Variants in PIKFYVE observed in about 807,000 individuals in gnomAD.
PIKFYVE encodes the protein phosphoinositide kinase, FYVE-type zinc finger containing, also known as 1-phosphatidylinositol 3-phosphate 5-kinase.
PIKFYVE carries 122 observed loss-of-function variants against 257.9 expected under a neutral mutation model. The ratio of observed to expected loss-of-function variants is 0.47; its 90% CI spans 0.41 to 0.55. PIKFYVE has a LOEUF of 0.55. Ranked by LOEUF, PIKFYVE falls within the 20% of genes least tolerant of loss-of-function variation. PIKFYVE has a pLI of 0.00. For synonymous variants in PIKFYVE, 892 were observed against 868.9 expected, an observed-to-expected ratio of 1.03 and a Z score of -0.47; for missense variants, 2,160 against 2,536.6, an observed-to-expected ratio of 0.85 and a Z score of 3.19.
At chr2:208,308,728 A>G (rs1426930736) in intron 12 of PIKFYVE, among the ~76,000 whole-genome samples, 2 of 135,900 alleles carry the variant, frequency 1.5e-5, no homozygotes, top group African/African-American at 2.6e-5. Flanking sequence ...TTTTTTTGAG[A>G]CGAAATTTTG....
At chr2:208,313,665 C>A (rs1172529383) in intron 13 of PIKFYVE, among the ~76,000 whole-genome samples, 3 of 149,560 alleles carry the variant, frequency 2.0e-5, no homozygotes, top group Non-Finnish European at 4.4e-5. Context: ...TCACTGCAAT[C>A]TCTGCCTCCT....
chr2:208,335,221 A>G (rs2363469), intron 24 of PIKFYVE, 85 bp from the exon 25 acceptor site: 879,725 of 909,626 alleles, frequency 0.97, 426,496 homozygotes, highest in Non-Finnish European at 0.98. Context: ...TGCCTCATAG[A>G]ATATAGTTGA....
chr2:208,304,075 A>C (rs999982794), intron 10 of PIKFYVE, 96 bp from the exon 11 acceptor site: 15 of 1,407,364 alleles, frequency 1.1e-5, no homozygotes, highest in Non-Finnish European at 1.5e-5. Flanking sequence ...TGTTAGGTTC[A>C]TAGAAATATT....
chr2:208,291,921 A>G (rs1226108129), intron 7 of PIKFYVE, among the ~76,000 whole-genome samples: 7 of 152,054 alleles, frequency 4.6e-5, no homozygotes, highest in Non-Finnish European at 8.8e-5. Flanking sequence ...TTTTAAATGT[A>G]TGCGCTTCGT....
At position 208,355,394 on chromosome 2, in the gene PIKFYVE, C is replaced by A. The variant is rs1045242981; in HGVS notation, c.*89C>A. 2 of 1,017,840 alleles carry A rather than the reference C, an allele frequency of 2.0e-6. No individual in the cohort carries two copies. Among genetic ancestry groups the A allele is most frequent in the Non-Finnish European group, 3.0e-6 (2 of 660,804 alleles). The allele number at this position is 1,017,840 out of a possible 1,614,324, so 63.1% of individuals were successfully genotyped here. ...TAAGCTACATGTTTTATTTCTTCAT[C>A]GTGTTCACCACTGTATGCCAAGGCT... is the stretch of plus-strand genomic sequence containing the variant. On this transcript the variant is annotated 3_prime_UTR_variant, in exon 42 of 42. Coordinates refer to ENST00000264380, the MANE Select transcript of PIKFYVE (RefSeq NM_015040.4).
At chr2:208,306,502 T>C (rs1325202417) in intron 12 of PIKFYVE, among the ~76,000 whole-genome samples, 1 of 152,226 alleles carries the variant, frequency 6.6e-6, no homozygotes, top group Non-Finnish European at 1.5e-5. Flanking sequence ...GGTGATGATT[T>C]CATCTCTTGG....
chr2:208,324,777 A>C (rs1029737363), intron 18 of PIKFYVE, 134 bp from the exon 19 acceptor site: 2 of 1,104,858 alleles, frequency 1.8e-6, no homozygotes, highest in Non-Finnish European at 1.3e-6. Flanking sequence ...AGAATAAAAA[A>C]ATTCATCATA....
At chr2:208,341,349 C>G (rs1392934571) in intron 31 of PIKFYVE, among the ~76,000 whole-genome samples, 1 of 151,770 alleles carries the variant, frequency 6.6e-6, no homozygotes, top group Non-Finnish European at 1.5e-5. Context: ...TCTCTTCTCT[C>G]TAAACCACTT....
Position 208,324,281 on chromosome 2 carries a change from C to T in PIKFYVE, c.2330C>T (p.Ser777Leu). ...ATTACTTTGGTCATTAATGTAAAGTCAGTGAGTGTTTTTAATTTTCTATTG... is the reference window on the plus strand; with the variant it reads ...ATTACTTTGGTCATTAATGTAAAGTTAGTGAGTGTTTTTAATTTTCTATTG... ...HGITLVINVKSQVLERISRMT... is the reference protein window; with the variant it reads ...HGITLVINVKLQVLERISRMT... Residue 777 changes from serine to leucine, a missense_variant and splice_region_variant, in exon 18 of 42, where the codon TCA (serine) becomes TTA (leucine). Physicochemically the swap from Ser to Leu is moderately radical, Grantham distance 145 (BLOSUM62 -2). Transcript: ENST00000264380. 1 of 1,613,504 alleles carries T rather than the reference C, an allele frequency of 6.2e-7. No homozygotes were observed. The highest frequency in any genetic ancestry group is 8.5e-7 in the Non-Finnish European group (1 of 1,179,578).
At chr2:208,315,115 G>A (rs1216735224) in intron 14 of PIKFYVE, 78 bp from the exon 15 acceptor site, 6 of 1,261,974 alleles carry the variant, frequency 4.8e-6, no homozygotes, top group Non-Finnish European at 6.8e-6. Context: ...TTCTTTGTAG[G>A]CTGTTTGTTT....
Position 208,325,989 on chromosome 2 carries a change from A to G in PIKFYVE, c.3178A>G (p.Ile1060Val). Residue 1060 changes from isoleucine to valine, a missense_variant, in exon 20 of 42, where the codon ATC (isoleucine) becomes GTC (valine). Physicochemically the swap from Ile to Val is conservative, Grantham distance 29 (BLOSUM62 3). This residue lies in a region of PIKFYVE where 522 missense variants were observed against 514.6 expected (regional missense o/e 1.01). Transcript: ENST00000264380. ...TGTGATCCTCTGTATCTCCCCAGTAATCACATTCCGAGAACCCTTTCTTTT... is the reference window on the plus strand; with the variant it reads ...TGTGATCCTCTGTATCTCCCCAGTAGTCACATTCCGAGAACCCTTTCTTTT... Reference protein sequence around the residue: ...KDVILCISPVITFREPFLLTE... With the variant: ...KDVILCISPVVTFREPFLLTE... 2 of 1,614,154 alleles carry G rather than the reference A, an allele frequency of 1.2e-6. No homozygotes were observed. The highest frequency in any genetic ancestry group is 1.7e-6 in the Non-Finnish European group (2 of 1,179,988).
At chr2:208,330,720 T>C in intron 23 of PIKFYVE, 26 bp downstream of exon 23, 1 of 1,601,330 alleles carries the variant, frequency 6.2e-7, no homozygotes, top group Non-Finnish European at 8.5e-7. Context: ...TACTATATTT[T>C]GTTTGCCATT....
chr2:208,295,347 T>C (rs1335712939), intron 7 of PIKFYVE, among the ~76,000 whole-genome samples: 2 of 152,234 alleles, frequency 1.3e-5, no homozygotes, highest in African/African-American at 2.4e-5. Flanking sequence ...TTTAGGAAAT[T>C]GTAACAGTGG....
chr2:208,266,558 C>T lies in PIKFYVE; in HGVS notation c.-10+143C>T, dbSNP rs375549910. Reference sequence around the variant, plus strand: ...GGCTAGGGCCTGGCTGCCGGCTGAGCAAGGAAGGGCAGAGAATCTGGCTTT... The same window carrying T: ...GGCTAGGGCCTGGCTGCCGGCTGAGTAAGGAAGGGCAGAGAATCTGGCTTT... On this transcript the variant is annotated intron_variant, in intron 1 of 41. Coordinates refer to ENST00000264380, the MANE Select transcript of PIKFYVE (RefSeq NM_015040.4). 8.1e-3 allele frequency: 1,243 copies of T among 152,828 alleles called. 15 individuals are homozygous for T. The highest frequency in any genetic ancestry group is 0.028 in the African/African-American group (1,178 of 41,574). 9.5% of individuals were successfully genotyped at this position (152,828 alleles called of 1,614,324 possible).
At chr2:208,328,486 A>T (rs935067313) in intron 21 of PIKFYVE, among the ~76,000 whole-genome samples, 1 of 152,232 alleles carries the variant, frequency 6.6e-6, no homozygotes, top group Non-Finnish European at 1.5e-5. Context: ...ATGAGAGTAT[A>T]TTAAGAGTGA....
intron 17 of PIKFYVE, among the ~76,000 whole-genome samples, chr2:208,321,056 A>T (rs1696149924): frequency 6.6e-6 from 1 of 152,192 alleles, no homozygotes; most frequent in African/African-American, 2.4e-5. Flanking sequence ...ATGCCATATG[A>T]AGCTCTCTGC....
At chr2:208,355,041 G>T in intron 41 of PIKFYVE, 149 bp from the exon 42 acceptor site, 1 of 708,918 alleles carries the variant, frequency 1.4e-6, no homozygotes. Flanking sequence ...ATGGCATGTG[G>T]CACAACAGAT....
At chr2:208,273,759 C>A in intron 3 of PIKFYVE, 26 bp downstream of exon 3, 1 of 1,613,130 alleles carries the variant, frequency 6.2e-7, no homozygotes, top group Non-Finnish European at 8.5e-7. Context: ...TATTTCATTC[C>A]CTTCTATATG....
At position 208,275,843 on chromosome 2, in the gene PIKFYVE, G is replaced by A. The variant is rs148093192; in HGVS notation, c.323-869G>A. ...GGATGTTCATCCTTTTTGTCAAAAC[G>A]TCTTTGCTTCATGCTTAGGTTTTGT... On this transcript the variant is annotated intron_variant, in intron 3 of 41. Coordinates refer to ENST00000264380, the MANE Select transcript of PIKFYVE (RefSeq NM_015040.4). Among the ~76,000 whole-genome samples the A allele has an allele frequency of 2.3e-3, 353 of 152,234 alleles. 1 individual carries two copies. Among genetic ancestry groups the A allele is most frequent in the African/African-American group, 8.1e-3 (335 of 41,538 alleles).
Sources: gnomAD v4.1 joint callset for allele counts (sites outside exome capture counted in the v4.1 genomes callset) on GRCh38, gnomAD v4.1.1 for gene constraint, gnomAD v4.1.1 regional missense constraint, MANE v1.5 for transcripts, NCBI Gene and HGNC (gene_info 2026-07-23, HGNC 2026-07-21) for gene names.